Variants in RGS9 observed in about 807,000 individuals in gnomAD.
RGS9 encodes regulator of G protein signaling 9.
RGS9 carries 78 observed loss-of-function variants against 102.0 expected under a neutral mutation model. The observed-to-expected ratio is 0.76, with a 90% CI of 0.64 to 0.92. The LOEUF is 0.92. RGS9 is among the 40% of genes least tolerant of loss of function. The probability of loss-of-function intolerance (pLI) is 0.00; values close to 1 mark genes in which losing one functional copy is unlikely to be tolerated. For missense variants in RGS9, 833 were observed against 866.1 expected, an observed-to-expected ratio of 0.96 and a Z score of 0.48; for synonymous variants, 353 against 318.6, an observed-to-expected ratio of 1.11 and a Z score of -1.15.
intron 9 of RGS9, among the ~76,000 whole-genome samples, chr17:65,183,061 A>AATCTATCTATCTATCTATCTATCT (rs68149271): frequency 1.7e-5 from 2 of 114,394 alleles, no homozygotes; most frequent in African/African-American, 6.0e-5. Flanking sequence ...AATTTTTTTA[A>AATCTATCTATCTATCTATCTATCT]ATCTATCTAT....
In RGS9 at chr17:65,160,603, C is replaced by T; in HGVS notation, c.364+16C>T. 1.9e-6 allele frequency: 3 copies of T among 1,613,522 alleles called. No homozygotes were observed. On this transcript the variant is annotated intron_variant, in intron 5 of 18. Transcript: ENST00000262406. ...ACCGATTACGGTAAATACTTCAGCC[C>T]CAACTATGCCTTTGGTAGTGCTTAA...
chr17:65,148,731 G>A (rs182508208), intron 1 of RGS9, among the ~76,000 whole-genome samples: 1 of 152,086 alleles, frequency 6.6e-6, no homozygotes, highest in East Asian at 1.9e-4. Flanking sequence ...GTGTGGGGAG[G>A]AGGACAAGGG....
At chr17:65,162,413 A>G (rs796419851) in intron 6 of RGS9, among the ~76,000 whole-genome samples, 13 of 152,270 alleles carry the variant, frequency 8.5e-5, no homozygotes, top group African/African-American at 2.6e-4. Flanking sequence ...ATTATTTTTA[A>G]TCTCTGATGC....
At chr17:65,196,748 G>A (rs1912602287) in intron 12 of RGS9, among the ~76,000 whole-genome samples, 1 of 152,246 alleles carries the variant, frequency 6.6e-6, no homozygotes, top group Non-Finnish European at 1.5e-5. Context: ...CACCAATGCT[G>A]CTCCAGAATT....
intron 17 of RGS9, among the ~76,000 whole-genome samples, chr17:65,224,291 GA>G (rs35608344): frequency 2.6e-5 from 4 of 152,212 alleles, no homozygotes; most frequent in Admixed American, 1.3e-4. Flanking sequence ...GGTGGCCCAG[GA>G]AGGTTGAGAT....
intron 9 of RGS9, chr17:65,189,062 G>A: frequency 1.7e-6 from 1 of 591,742 alleles, no homozygotes; most frequent in South Asian, 2.0e-5. Flanking sequence ...AAGTTACAGT[G>A]GTAAATTACG....
chr17:65,170,177 C>T (rs1911359452), intron 8 of RGS9, among the ~76,000 whole-genome samples: 1 of 151,598 alleles, frequency 6.6e-6, no homozygotes, highest in African/African-American at 2.4e-5. Context: ...GCCTCAGCCT[C>T]CTGAGTAGCT....
chr17:65,218,284 C>T (rs893169772), intron 17 of RGS9, among the ~76,000 whole-genome samples: 1 of 152,222 alleles, frequency 6.6e-6, no homozygotes, highest in Non-Finnish European at 1.5e-5. Context: ...GAGGTGTTGT[C>T]TTCCAGCAGT....
In RGS9 at chr17:65,227,258, T is replaced by A; in HGVS notation, c.1893-17T>A. 6.2e-7 allele frequency: 1 copy of A among 1,614,094 alleles called. No individual in the cohort carries two copies. Among genetic ancestry groups the A allele is most frequent in the South Asian group, 1.1e-5 (1 of 91,074 alleles). Reference sequence around the variant, plus strand: ...GCCCCTGCCCCTACATTACTGGCTTTCCTCTTGCACCTGAAGCTTTTTCCA... The same window carrying A: ...GCCCCTGCCCCTACATTACTGGCTTACCTCTTGCACCTGAAGCTTTTTCCA... On this transcript the variant is annotated splice_polypyrimidine_tract_variant and intron_variant, in intron 18 of 18. Transcript: ENST00000262406.
chr17:65,190,781 C>T (rs558940127), intron 11 of RGS9, among the ~76,000 whole-genome samples: 185 of 152,300 alleles, frequency 1.2e-3, no homozygotes, highest in African/African-American at 4.4e-3. Context: ...CTGCCTCCCA[C>T]GTGCAAGCAG....
At chr17:65,148,304 T>A (rs1910448137) in intron 1 of RGS9, among the ~76,000 whole-genome samples, 1 of 152,234 alleles carries the variant, frequency 6.6e-6, no homozygotes, top group Non-Finnish European at 1.5e-5. Context: ...CACATTTTCT[T>A]TGTTCATCTG....
At chr17:65,181,027 T>C (rs933830875) in intron 9 of RGS9, among the ~76,000 whole-genome samples, 7 of 152,238 alleles carry the variant, frequency 4.6e-5, no homozygotes, top group African/African-American at 1.4e-4. Context: ...ATGTACCACA[T>C]TTTCTTCATC....
At position 65,137,518 on chromosome 17, in the gene RGS9, T is replaced by G; in HGVS notation, c.-23T>G. 3 of 1,610,494 alleles carry G rather than the reference T, an allele frequency of 1.9e-6. No individual in the cohort carries two copies. The highest frequency in any genetic ancestry group is 2.5e-6 in the Non-Finnish European group (3 of 1,179,374). ...TCTTGTCTCCCACTGGTGCTCTGGC[T>G]GTGAATCCATCCAGGGGCCAGGATG... On this transcript the variant is annotated 5_prime_UTR_variant, in exon 1 of 19. Transcript: ENST00000262406.
At chr17:65,198,704 G>A (rs1038391588) in intron 13 of RGS9, among the ~76,000 whole-genome samples, 1 of 152,188 alleles carries the variant, frequency 6.6e-6, no homozygotes, top group Non-Finnish European at 1.5e-5. Context: ...ACCCAGCCCT[G>A]GGGGCATCAC....
At chr17:65,193,254 C>CA (rs377349682) in intron 11 of RGS9, among the ~76,000 whole-genome samples, 17,789 of 82,610 alleles carry the variant, frequency 0.22, 1,299 homozygotes, top group Middle Eastern at 0.37. Context: ...TTGGCTGTCT[C>CA]AAAAAAAAAA....
intron 1 of RGS9, among the ~76,000 whole-genome samples, chr17:65,138,947 C>G (rs1910016973): frequency 6.7e-6 from 1 of 148,608 alleles, no homozygotes; most frequent in Non-Finnish European, 1.5e-5. Context: ...AGGCTTCCCT[C>G]CTCCTCCCCA....
chr17:65,199,361 C>A (rs575676203), intron 13 of RGS9, among the ~76,000 whole-genome samples: 2 of 152,098 alleles, frequency 1.3e-5, no homozygotes, highest in African/African-American at 4.8e-5. Context: ...TCTACCCCTA[C>A]GGATTCACCT....
intron 17 of RGS9, among the ~76,000 whole-genome samples, chr17:65,220,334 G>A (rs1224875811): frequency 1.3e-5 from 2 of 152,204 alleles, no homozygotes; most frequent in Non-Finnish European, 2.9e-5. Flanking sequence ...GAGGGGAGGA[G>A]GGGGAGAAGT....
chr17:65,201,624 G>A (rs546535019), intron 13 of RGS9, among the ~76,000 whole-genome samples: 55 of 152,174 alleles, frequency 3.6e-4, no homozygotes, highest in African/African-American at 9.4e-4. Flanking sequence ...AAAAGAGTAC[G>A]ACAACCTCTG....
Sources: gnomAD v4.1 joint callset for allele counts (sites outside exome capture counted in the v4.1 genomes callset) on GRCh38, gnomAD v4.1.1 for gene constraint, MANE v1.5 for transcripts, NCBI Gene and HGNC (gene_info 2026-07-23, HGNC 2026-07-21) for gene names.